Variants in SLC44A5 observed in about 807,000 individuals in gnomAD.
SLC44A5 encodes solute carrier family 44 member 5, also known as choline transporter-like protein 5.
In SLC44A5, 57 loss-of-function variants were observed where a neutral mutation model predicts 101.8. The observed-to-expected ratio is 0.56, with a 90% CI of 0.45 to 0.70. The LOEUF (loss-of-function observed/expected upper bound fraction) is 0.70, where lower values mean the gene tolerates loss of function less well. SLC44A5 is among the 30% of genes least tolerant of loss of function. SLC44A5 has a pLI of 0.00. For synonymous variants in SLC44A5, 281 were observed against 290.9 expected (o/e 0.97, Z 0.35); for missense variants, 737 against 853.1 (o/e 0.86, Z 1.70).
intron 2 of SLC44A5, among the ~76,000 whole-genome samples, chr1:75,517,312 G>A (rs1355734043): frequency 6.6e-6 from 1 of 151,940 alleles, no homozygotes; most frequent in Non-Finnish European, 1.5e-5. Context: ...ACAGTGAGAG[G>A]GAGGGAGAGA....
intron 23 of SLC44A5, among the ~76,000 whole-genome samples, chr1:75,210,483 T>C (rs1265554674): frequency 1.3e-5 from 2 of 152,196 alleles, no homozygotes; most frequent in East Asian, 3.8e-4. Context: ...TTAATCCAAC[T>C]ATTTCCTAGA....
In SLC44A5 at chr1:75,337,113, G is replaced by A. The variant is rs1229168540; in HGVS notation, c.101+2469C>T. On this transcript the variant is annotated intron_variant, in intron 4 of 23. Transcript: ENST00000370859. ...TCTCAAGTGTAATAATGCTATGGCC[G>A]TTACTCAGCCCCTTTTGAAGTTCAT... Among the ~76,000 whole-genome samples, 7 of 149,872 alleles carry A rather than the reference G, an allele frequency of 4.7e-5. No homozygotes were observed. The East Asian group carries it at 7.7e-4, about 16-fold the overall frequency.
chr1:75,587,976 T>C (rs1674114763), intron 1 of SLC44A5, among the ~76,000 whole-genome samples: 1 of 152,146 alleles, frequency 6.6e-6, no homozygotes, highest in Non-Finnish European at 1.5e-5. Flanking sequence ...GCAGAATAAT[T>C]GGATTTCAGG....
At chr1:75,722,603 G>A in the SLC44A5 span, among the ~76,000 whole-genome samples, 1 of 152,150 alleles carries the variant, frequency 6.6e-6, no homozygotes, top group African/African-American at 2.4e-5. Context: ...CTGACCAATC[G>A]TTACCACCTC....
At chr1:75,383,365 C>T (rs867764165) in intron 3 of SLC44A5, among the ~76,000 whole-genome samples, 2,590 of 149,160 alleles carry the variant, frequency 0.017, 67 homozygotes, top group African/African-American at 0.058. Flanking sequence ...ATTTCTTTCT[C>T]TATACTTTGT....
the SLC44A5 span, among the ~76,000 whole-genome samples, chr1:75,701,240 C>T: frequency 6.6e-6 from 1 of 152,124 alleles, no homozygotes; most frequent in Non-Finnish European, 1.5e-5. Flanking sequence ...TGATGAACAT[C>T]GATGCAAAAA....
At chr1:75,269,886 G>A (rs939226053) in intron 6 of SLC44A5, among the ~76,000 whole-genome samples, 41 of 152,134 alleles carry the variant, frequency 2.7e-4, no homozygotes, top group African/African-American at 9.2e-4. Context: ...CACATGTTGT[G>A]GGAGGGAACC....
chr1:75,217,343 C>G (rs1646983267), intron 18 of SLC44A5, among the ~76,000 whole-genome samples: 2 of 152,054 alleles, frequency 1.3e-5, no homozygotes, highest in African/African-American at 4.8e-5. Flanking sequence ...GTTTTGAAAT[C>G]AGGAAGTATG....
the SLC44A5 span, among the ~76,000 whole-genome samples, chr1:75,712,713 A>AAAAAATAGAAAAAAAAAAAAAAAAAAAC: frequency 9.0e-6 from 1 of 110,642 alleles, no homozygotes; most frequent in Non-Finnish European, 1.8e-5. Flanking sequence ...AAAAAAAAAA[A>AAAAAATAGAAAAAAAAAAAAAAAAAAAC]ATGGAAAAGA....
chr1:75,542,410 C>T (rs1418341633), intron 1 of SLC44A5, among the ~76,000 whole-genome samples: 2 of 151,928 alleles, frequency 1.3e-5, no homozygotes, highest in Admixed American at 6.6e-5. Flanking sequence ...ATTTTAATGT[C>T]CAAGTAATGT....
intron 7 of SLC44A5, among the ~76,000 whole-genome samples, chr1:75,247,138 C>T (rs1649175188): frequency 6.6e-6 from 1 of 151,944 alleles, no homozygotes; most frequent in African/African-American, 2.4e-5. Flanking sequence ...TCAGGAGATC[C>T]TTGAACTAAT....
At chr1:75,385,261 A>G (rs1033143017) in intron 3 of SLC44A5, among the ~76,000 whole-genome samples, 63 of 146,564 alleles carry the variant, frequency 4.3e-4, no homozygotes, top group African/African-American at 1.6e-3. Context: ...AAATTAATGA[A>G]TCCAGGAGCT....
intron 1 of SLC44A5, among the ~76,000 whole-genome samples, chr1:75,585,969 C>T (rs1028682059): frequency 1.1e-4 from 17 of 152,228 alleles, no homozygotes; most frequent in Non-Finnish European, 1.8e-4. Flanking sequence ...CTAACAAAAA[C>T]TTTAATCATA....
At chr1:75,560,267 G>A (rs1476196959) in intron 1 of SLC44A5, among the ~76,000 whole-genome samples, 1 of 152,022 alleles carries the variant, frequency 6.6e-6, no homozygotes, top group African/African-American at 2.4e-5. Context: ...GATGTACTGT[G>A]GAAATAACCC....
chr1:75,685,059 C>T, the SLC44A5 span, among the ~76,000 whole-genome samples: 12 of 152,186 alleles, frequency 7.9e-5, no homozygotes, highest in Non-Finnish European at 1.8e-4. Flanking sequence ...CACTGGCAGG[C>T]CCAAGACCAC....
At position 75,297,614 on chromosome 1, in the gene SLC44A5, A is replaced by T. The variant is rs562351736; in HGVS notation, c.175+2998T>A. 3.9e-5 allele frequency among the ~76,000 whole-genome samples: 6 copies of T among 152,360 alleles called. No homozygotes were observed. In the East Asian group the frequency reaches 9.6e-4, roughly 24 times the overall value. Reference sequence around the variant, plus strand: ...CCATAAAAATTTATTGAATGTTAAAATTGTGCTATTATATTGTATACTTAA... The same window carrying T: ...CCATAAAAATTTATTGAATGTTAAATTTGTGCTATTATATTGTATACTTAA... On this transcript the variant is annotated intron_variant, in intron 5 of 23. Coordinates refer to ENST00000370859, the MANE Select transcript of SLC44A5 (RefSeq NM_001130058.2).
At chr1:75,214,036 CT>C in intron 20 of SLC44A5, 47 bp from the exon 21 acceptor site, 1 of 1,204,496 alleles carries the variant, frequency 8.3e-7, no homozygotes, top group Non-Finnish European at 1.2e-6. Flanking sequence ...TTAAAATATA[CT>C]TGGTACTTGA....
intron 2 of SLC44A5, among the ~76,000 whole-genome samples, chr1:75,539,878 C>T (rs1377822420): frequency 3.9e-5 from 6 of 151,956 alleles, no homozygotes; most frequent in African/African-American, 1.2e-4. Context: ...TAACAATAGC[C>T]AATATTCAGA....
chr1:75,535,258 C>T (rs1670934796), intron 2 of SLC44A5, among the ~76,000 whole-genome samples: 1 of 152,022 alleles, frequency 6.6e-6, no homozygotes, highest in Non-Finnish European at 1.5e-5. Context: ...TCCTTTCGCC[C>T]TGAGAAGGTG....
Sources: allele counts gnomAD v4.1 joint callset (sites outside exome capture counted in the v4.1 genomes callset), GRCh38; gene constraint gnomAD v4.1.1; transcripts MANE v1.5; gene names NCBI Gene and HGNC (gene_info 2026-07-23, HGNC 2026-07-21).